ASCC2: variants seen among roughly 807,000 people sequenced by gnomAD.
The protein encoded by ASCC2 is activating signal cointegrator 1 complex subunit 2, also known as ASC-1 complex subunit P100.
In ASCC2, 42 loss-of-function variants were observed where a neutral mutation model predicts 93.5. The ratio of observed to expected loss-of-function variants is 0.45; its 90% CI spans 0.35 to 0.58. ASCC2 has a LOEUF of 0.58. Ranked by LOEUF, ASCC2 falls within the 20% of genes least tolerant of loss-of-function variation. ASCC2 has a pLI of 0.00. For synonymous variants in ASCC2, 364 were observed against 384.2 expected, an observed-to-expected ratio of 0.95 and a Z score of 0.62; for missense variants, 859 against 977.6, an observed-to-expected ratio of 0.88 and a Z score of 1.62.
At chr22:29,821,417 C>T (rs116309513) in intron 5 of ASCC2, among the ~76,000 whole-genome samples, 1,554 of 152,308 alleles carry the variant, frequency 0.01, 26 homozygotes, top group African/African-American at 0.036. Context: ...TCTACGTTTA[C>T]ACACGTCCCA....
chr22:29,804,677 A>G lies in ASCC2; in HGVS notation c.1314T>C (p.Ser438=), dbSNP rs1316888341. The change falls in exon 13 of 20, where the codon AGT becomes AGC. Residue 438 remains serine (S), a synonymous_variant. Transcript: ENST00000307790. ...NGVTVTAEAV[S]QASSHPENSE... is the part of the protein sequence containing the mutation. Reference sequence around the variant, plus strand: ...AGTTCTCCGGATGTGATGATGCTTGACTGACTGCCTCTGCTGTCACCGTGA... The same window carrying G: ...AGTTCTCCGGATGTGATGATGCTTGGCTGACTGCCTCTGCTGTCACCGTGA... The G allele has an allele frequency of 1.2e-6, 2 of 1,613,886 alleles. No homozygotes were observed. The highest frequency in any genetic ancestry group is 1.3e-5 in the African/African-American group (1 of 74,854).
intron 5 of ASCC2, 86 bp downstream of exon 5, chr22:29,822,249 A>G: frequency 6.4e-7 from 1 of 1,563,738 alleles, no homozygotes; most frequent in South Asian, 1.1e-5. Context: ...GTCCCTGGGC[A>G]CTGTCAAAGC....
At chr22:29,814,828 A>T in intron 6 of ASCC2, 61 bp from the exon 7 acceptor site, 5 of 1,354,578 alleles carry the variant, frequency 3.7e-6, no homozygotes, top group Non-Finnish European at 5.2e-6. Flanking sequence ...GACCCCTGGC[A>T]GCAGCCAGGG....
chr22:29,806,880 C>A lies in ASCC2; in HGVS notation c.933G>T (p.Arg311Ser). ...TTAGCTTCTTCCTGGAATGGGAGAG[C>A]CTCTGCCACAGGTCACCAAGAAGCC... Reference protein sequence around the residue: ...DSKLLGDLWQRLSHSRKKLME... With the variant: ...DSKLLGDLWQSLSHSRKKLME... The change falls in exon 10 of 20, where the codon AGG becomes AGT. Residue 311 changes from arginine to serine, a missense_variant. By Grantham distance (110) the Arg-to-Ser change is moderately radical. Transcript: ENST00000307790. The A allele has an allele frequency of 6.2e-7, 1 of 1,613,692 alleles. No individual in the cohort carries two copies. Among genetic ancestry groups the A allele is most frequent in the Non-Finnish European group, 8.5e-7 (1 of 1,179,756 alleles).
At chr22:29,795,053 T>C (rs1417803182) in intron 15 of ASCC2, among the ~76,000 whole-genome samples, 2 of 151,692 alleles carry the variant, frequency 1.3e-5, no homozygotes, top group African/African-American at 2.4e-5. Context: ...GGCTCCTGAG[T>C]AGCTGGGAGT....
rs141805663 is a variant in ASCC2 at position 29,805,618 on chromosome 22, C to T, written c.1160+598G>A. Reference sequence around the variant, plus strand: ...GGCTGTGCACGTTGCTGGCCTTCACCTCACCTGCAACACCCCAATTCCTCC... The same window carrying T: ...GGCTGTGCACGTTGCTGGCCTTCACTTCACCTGCAACACCCCAATTCCTCC... On this transcript the variant is annotated intron_variant, in intron 12 of 19. Transcript: ENST00000307790. Among the ~76,000 whole-genome samples the T allele has an allele frequency of 2.5e-4, 38 of 152,262 alleles. No homozygotes were observed. In the East Asian group the frequency reaches 7.2e-3, roughly 29 times the overall value.
Position 29,788,825 on chromosome 22 carries a change from T to C in ASCC2, c.*188A>G, listed in dbSNP as rs2068470344. 2 of 659,586 alleles carry C rather than the reference T, an allele frequency of 3.0e-6. No individual in the cohort carries two copies. Among genetic ancestry groups the C allele is most frequent in the South Asian group, 1.9e-5 (1 of 53,586 alleles). 40.9% of individuals were successfully genotyped at this position (659,586 alleles called of 1,614,324 possible). On this transcript the variant is annotated 3_prime_UTR_variant, in exon 20 of 20. Transcript: ENST00000307790. ...ATTCTTCGGCTGTGGCATAAGGCACTGTGTGTTCTGCAGGAAGGCGCTCAT... is the reference window on the plus strand; with the variant it reads ...ATTCTTCGGCTGTGGCATAAGGCACCGTGTGTTCTGCAGGAAGGCGCTCAT...
intron 17 of ASCC2, among the ~76,000 whole-genome samples, chr22:29,792,873 CG>C (rs1322853554): frequency 6.6e-6 from 1 of 152,138 alleles, no homozygotes; most frequent in Non-Finnish European, 1.5e-5. Flanking sequence ...GGACTGAGCG[CG>C]GTGGCTCACG....
chr22:29,800,656 G>A (rs970560205), intron 15 of ASCC2, among the ~76,000 whole-genome samples: 1 of 152,194 alleles, frequency 6.6e-6, no homozygotes, highest in Admixed American at 6.5e-5. Flanking sequence ...GTCAAAGAGT[G>A]GTTTCTGGGA....
At chr22:29,798,268 C>T (rs1050956732) in intron 15 of ASCC2, among the ~76,000 whole-genome samples, 2 of 152,104 alleles carry the variant, frequency 1.3e-5, no homozygotes, top group East Asian at 1.9e-4. Context: ...TCTACCTTTC[C>T]GTTTCACCCT....
At chr22:29,816,853 G>C (rs576259952) in intron 5 of ASCC2, 1 of 152,162 alleles carries the variant, frequency 6.6e-6, no homozygotes, top group Non-Finnish European at 1.5e-5. Flanking sequence ...GCTAGCTTGG[G>C]GACGTGACAA....
intron 14 of ASCC2, 99 bp downstream of exon 14, chr22:29,801,895 G>C: frequency 9.8e-7 from 1 of 1,016,076 alleles, no homozygotes; most frequent in South Asian, 1.5e-5. Flanking sequence ...GAGAGAACAA[G>C]CTGAGTCCTG....
intron 2 of ASCC2, among the ~76,000 whole-genome samples, chr22:29,830,638 G>A (rs1246480431): frequency 6.6e-6 from 1 of 152,176 alleles, no homozygotes; most frequent in Non-Finnish European, 1.5e-5. Context: ...CTGCACTCAT[G>A]GAACAGCCTA....
intron 4 of ASCC2, among the ~76,000 whole-genome samples, chr22:29,824,656 T>G (rs1417557934): frequency 1.3e-5 from 2 of 152,134 alleles, no homozygotes; most frequent in East Asian, 3.8e-4. Context: ...CAGTGGTTAT[T>G]TTGCAGGGGA....
chr22:29,804,039 A>G (rs1471932093), intron 13 of ASCC2, among the ~76,000 whole-genome samples: 1 of 152,250 alleles, frequency 6.6e-6, no homozygotes, highest in Non-Finnish European at 1.5e-5. Flanking sequence ...AAGTGGCAGA[A>G]CCAGGTCACA....
intron 4 of ASCC2, among the ~76,000 whole-genome samples, chr22:29,824,837 C>T (rs1025072193): frequency 6.6e-6 from 1 of 152,140 alleles, no homozygotes; most frequent in African/African-American, 2.4e-5. Context: ...CAAGTCAAGG[C>T]AGTCACGCGT....
intron 14 of ASCC2, 73 bp downstream of exon 14, chr22:29,801,921 A>C: frequency 7.9e-7 from 1 of 1,259,260 alleles, no homozygotes; most frequent in Non-Finnish European, 1.1e-6. Context: ...TGAATGAGGG[A>C]AGGAAGAGAG....
intron 2 of ASCC2, among the ~76,000 whole-genome samples, chr22:29,830,026 A>G (rs531216321): frequency 1.9e-4 from 29 of 152,282 alleles, no homozygotes; most frequent in African/African-American, 7.0e-4. Context: ...TGGCCTTCAG[A>G]GTAACACTCT....
intron 7 of ASCC2, among the ~76,000 whole-genome samples, chr22:29,814,267 G>GCTTT (rs1484852227): frequency 4.6e-5 from 7 of 152,226 alleles, no homozygotes; most frequent in African/African-American, 1.7e-4. Flanking sequence ...GGGCCAGTCT[G>GCTTT]CTTTTGTTTA....
Sources: gnomAD v4.1 joint callset for allele counts (sites outside exome capture counted in the v4.1 genomes callset) on GRCh38, gnomAD v4.1.1 for gene constraint, MANE v1.5 for transcripts, NCBI Gene and HGNC (gene_info 2026-07-23, HGNC 2026-07-21) for gene names.